Variants in CSMD1 observed in about 807,000 individuals in gnomAD.
CSMD1 encodes the protein CUB and sushi domain-containing protein 1.
In CSMD1, 213 loss-of-function variants were observed where a neutral mutation model predicts 417.5. The ratio of observed to expected loss-of-function variants is 0.51; its 90% confidence interval spans 0.46 to 0.57. The LOEUF (loss-of-function observed/expected upper bound fraction) is 0.57, where lower values mean the gene tolerates loss of function less well. CSMD1 is among the 20% of genes least tolerant of loss of function. The pLI is 0.00. For synonymous variants in CSMD1, 2,862 were observed against 1,736.8 expected, an observed-to-expected ratio of 1.65 and a Z score of -16.11; for missense variants, 6,923 against 4,529.7, an observed-to-expected ratio of 1.53 and a Z score of -15.17.
chr8:3,460,982 T>C (rs1194970726), intron 12 of CSMD1, among the ~76,000 whole-genome samples: 1 of 152,168 alleles, frequency 6.6e-6, no homozygotes, highest in Non-Finnish European at 1.5e-5. Context: ...GTTTGTTCTT[T>C]AGCATATTAA....
intron 5 of CSMD1, among the ~76,000 whole-genome samples, chr8:3,869,541 G>A (rs1352678376): frequency 6.6e-6 from 1 of 152,112 alleles, no homozygotes; most frequent in Non-Finnish European, 1.5e-5. Flanking sequence ...ATTTCTTCCT[G>A]AGAGTGCCTG....
At chr8:4,068,950 T>C (rs1456633659) in intron 3 of CSMD1, among the ~76,000 whole-genome samples, 2 of 152,204 alleles carry the variant, frequency 1.3e-5, no homozygotes, top group Non-Finnish European at 2.9e-5. Context: ...TAGCAAAATT[T>C]ACAATTTAAG....
chr8:3,848,043 T>G (rs1803629353), intron 5 of CSMD1, among the ~76,000 whole-genome samples: 1 of 151,782 alleles, frequency 6.6e-6, no homozygotes, highest in Admixed American at 6.6e-5. Context: ...TTATTTTGTC[T>G]AATCTTCTTA....
intron 3 of CSMD1, among the ~76,000 whole-genome samples, chr8:4,302,600 G>T (rs148291398): frequency 2.2e-4 from 33 of 152,232 alleles, no homozygotes; most frequent in Middle Eastern, 3.4e-3. Flanking sequence ...ACCGTAAGGG[G>T]ATTCTCTCCT....
chr8:3,267,166 G>A (rs1227426489), intron 26 of CSMD1, among the ~76,000 whole-genome samples: 1 of 152,134 alleles, frequency 6.6e-6, no homozygotes, highest in Non-Finnish European at 1.5e-5. Flanking sequence ...TCTGCTGGAG[G>A]ACCACCACTG....
At chr8:4,462,163 C>A (rs940783146) in intron 2 of CSMD1, among the ~76,000 whole-genome samples, 1 of 152,106 alleles carries the variant, frequency 6.6e-6, no homozygotes, top group African/African-American at 2.4e-5. Flanking sequence ...GTGTGAGCCA[C>A]CACACTCAGC....
At chr8:3,062,985 G>T (rs568150274) in intron 49 of CSMD1, among the ~76,000 whole-genome samples, 1 of 152,260 alleles carries the variant, frequency 6.6e-6, no homozygotes, top group African/African-American at 2.4e-5. Flanking sequence ...GAGAAAAAAA[G>T]CTGGAGGAAC....
At chr8:3,524,049 A>C (rs1797642001) in intron 10 of CSMD1, among the ~76,000 whole-genome samples, 1 of 147,376 alleles carries the variant, frequency 6.8e-6, no homozygotes, top group Non-Finnish European at 1.5e-5. Context: ...ACCCAGAGAC[A>C]CGTGCACACA....
intron 1 of CSMD1, among the ~76,000 whole-genome samples, chr8:4,712,291 T>C (rs183255170): frequency 1.3e-5 from 2 of 152,244 alleles, no homozygotes; most frequent in East Asian, 1.9e-4. Context: ...TACACTTCAG[T>C]GTGGGAGATG....
intron 15 of CSMD1, among the ~76,000 whole-genome samples, chr8:3,401,233 A>T (rs1016038866): frequency 3.3e-5 from 5 of 152,116 alleles, no homozygotes; most frequent in Admixed American, 2.6e-4. Flanking sequence ...ATAGTTGAGC[A>T]ATTTCTAAAA....
chr8:4,566,590 T>C (rs1158981394), intron 2 of CSMD1, among the ~76,000 whole-genome samples: 1 of 141,508 alleles, frequency 7.1e-6, no homozygotes. Context: ...GAGGTGGAGC[T>C]TGCAGTGAGC....
chr8:4,838,060 G>A (rs960250185), intron 1 of CSMD1, among the ~76,000 whole-genome samples: 10 of 152,308 alleles, frequency 6.6e-5, no homozygotes, highest in African/African-American at 2.2e-4. Context: ...TGGGTGACCA[G>A]GAAGGGACAT....
chr8:4,071,989 T>G (rs1269540949), intron 3 of CSMD1, among the ~76,000 whole-genome samples: 1 of 152,162 alleles, frequency 6.6e-6, no homozygotes, highest in East Asian at 1.9e-4. Flanking sequence ...CTGGGATTCC[T>G]CCCTCATTTT....
At chr8:4,424,047 A>G (rs1425565627) in intron 2 of CSMD1, among the ~76,000 whole-genome samples, 4 of 152,064 alleles carry the variant, frequency 2.6e-5, no homozygotes, top group African/African-American at 9.7e-5. Flanking sequence ...AATTACCTCA[A>G]TGTGGATTAC....
chr8:3,523,574 C>G (rs977735774), intron 10 of CSMD1, among the ~76,000 whole-genome samples: 1 of 152,018 alleles, frequency 6.6e-6, no homozygotes. Context: ...TGCACACACA[C>G]ATGTACACAC....
rs750697966 is a variant in CSMD1 at position 3,367,155 on chromosome 8, T to C, written c.2992A>G (p.Arg998Gly). 4 of 1,613,662 alleles carry C rather than the reference T, an allele frequency of 2.5e-6. No homozygotes were observed. The highest frequency in any genetic ancestry group is 3.3e-5 in the Admixed American group (2 of 59,958). ...TGAGGCAACACCGACCCGGTGAGCC[T>C]GGCAACGGGCTCGGAAAAACTTCCA... ...EDGSFSEPVA[R>G]LTGSVLPHTI... Residue 998 changes from arginine to glycine, a missense_variant, in exon 20 of 70, where the codon AGG becomes GGG. Arg to Gly is a moderately radical substitution (Grantham distance 125). Coordinates refer to ENST00000635120, the MANE Select transcript of CSMD1 (RefSeq NM_033225.6).
intron 10 of CSMD1, among the ~76,000 whole-genome samples, chr8:3,518,039 G>A (rs1356070831): frequency 2.0e-5 from 3 of 151,836 alleles, no homozygotes; most frequent in African/African-American, 4.8e-5. Context: ...TCTCCCTCAA[G>A]AAGATTTATC....
At chr8:3,061,569 G>A (rs1812590950) in intron 49 of CSMD1, among the ~76,000 whole-genome samples, 1 of 152,266 alleles carries the variant, frequency 6.6e-6, no homozygotes, top group South Asian at 2.1e-4. Context: ...GGGGTTGACA[G>A]TGTCTCCTCA....
intron 11 of CSMD1, among the ~76,000 whole-genome samples, chr8:3,472,823 A>G (rs987580207): frequency 6.6e-6 from 1 of 151,600 alleles, no homozygotes; most frequent in Non-Finnish European, 1.5e-5. Context: ...GCCTCTTAAA[A>G]TCTCCTAAGT....
Sources: gnomAD v4.1 joint callset for allele counts (sites outside exome capture counted in the v4.1 genomes callset) on GRCh38, gnomAD v4.1.1 for gene constraint, MANE v1.5 for transcripts, NCBI Gene and HGNC (gene_info 2026-07-23, HGNC 2026-07-21) for gene names.